The following EXOC1 variants were observed in gnomAD, a reference collection of about 807,000 sequenced individuals.
EXOC1 encodes the protein exocyst complex component 1.
A neutral mutation model predicts 107.7 loss-of-function variants in EXOC1; 67 were observed. That is an observed-to-expected ratio of 0.62 (90% CI 0.51 to 0.76). The LOEUF (loss-of-function observed/expected upper bound fraction) is 0.76, where lower values mean the gene tolerates loss of function less well. Among genes scored for constraint, EXOC1 ranks in the 30% least tolerant of loss-of-function variants. EXOC1 has a pLI of 0.00. For missense variants in EXOC1, 833 were observed against 1,055.7 expected (o/e 0.79, Z 2.92); for synonymous variants, 348 against 353.5 (o/e 0.98, Z 0.17).
intron 8 of EXOC1, among the ~76,000 whole-genome samples, chr4:55,873,290 G>A (rs1253845633): frequency 6.6e-6 from 1 of 152,034 alleles, no homozygotes; most frequent in Non-Finnish European, 1.5e-5. Context: ...CTAAAAGCAC[G>A]GTAGGGGGGA....
intron 9 of EXOC1, among the ~76,000 whole-genome samples, chr4:55,881,839 T>G (rs904581179): frequency 9.9e-5 from 15 of 151,224 alleles, no homozygotes; most frequent in Admixed American, 4.1e-4. Context: ...TTAGTGATTT[T>G]GGGGCCCCAA....
intron 2 of EXOC1, among the ~76,000 whole-genome samples, chr4:55,859,033 T>G (rs1721237741): frequency 6.6e-6 from 1 of 152,208 alleles, no homozygotes; most frequent in Non-Finnish European, 1.5e-5. Flanking sequence ...TTTTACAGTT[T>G]AGTCTTAGTT....
At chr4:55,874,481 CTTATGAAGGACTCACTTCTTTCATTG>C (rs2110342023) in intron 8 of EXOC1, among the ~76,000 whole-genome samples, 1 of 152,120 alleles carries the variant, frequency 6.6e-6, no homozygotes, top group African/African-American at 2.4e-5. Flanking sequence ...TACATTTACC[CTTATGAAGGACTCACTTCTTTCATTG>C]TACTTTTTCT....
chr4:55,868,605 C>T (rs1722159947), intron 5 of EXOC1, 82 bp downstream of exon 5: 3 of 1,272,932 alleles, frequency 2.4e-6, no homozygotes, highest in East Asian at 4.9e-5. Flanking sequence ...ACTACCTCAG[C>T]ACTTAAGCCT....
chr4:55,864,486 T>C (rs557130363), intron 4 of EXOC1, 100 bp downstream of exon 4: 2 of 1,054,834 alleles, frequency 1.9e-6, no homozygotes, highest in African/African-American at 3.3e-5. Flanking sequence ...AATTATCTTA[T>C]CGTAAAAGAA....
At chr4:55,901,450 A>G (rs933243636) in intron 17 of EXOC1, among the ~76,000 whole-genome samples, 1 of 152,154 alleles carries the variant, frequency 6.6e-6, no homozygotes, top group Non-Finnish European at 1.5e-5. Flanking sequence ...GCTCAAATAC[A>G]GTTATGCCAG....
chr4:55,894,400 C>T (rs1724942848), intron 15 of EXOC1, among the ~76,000 whole-genome samples: 1 of 150,658 alleles, frequency 6.6e-6, no homozygotes, highest in African/African-American at 2.4e-5. Flanking sequence ...TTTAATGAAA[C>T]AATTGAAACA....
intron 1 of EXOC1, 96 bp downstream of exon 1, chr4:55,854,049 G>A (rs2110295931): frequency 6.6e-6 from 1 of 152,414 alleles, no homozygotes; most frequent in South Asian, 2.1e-4. Context: ...GCCCCATTAC[G>A]GTTCCGCCCA....
intron 1 of EXOC1, among the ~76,000 whole-genome samples, chr4:55,855,607 G>A (rs1720886121): frequency 6.6e-6 from 1 of 152,178 alleles, no homozygotes; most frequent in Non-Finnish European, 1.5e-5. Flanking sequence ...GAAGTAGAGG[G>A]GAAGTGTTAG....
intron 10 of EXOC1, among the ~76,000 whole-genome samples, chr4:55,887,280 C>T (rs779207971): frequency 2.6e-5 from 4 of 151,996 alleles, no homozygotes; most frequent in Admixed American, 1.3e-4. Flanking sequence ...ATTGTTTCTC[C>T]GCTAAACTAG....
chr4:55,880,749 T>C (rs1328202438), intron 9 of EXOC1, among the ~76,000 whole-genome samples: 1 of 152,206 alleles, frequency 6.6e-6, no homozygotes, highest in Non-Finnish European at 1.5e-5. Flanking sequence ...AACCTAGTAA[T>C]GATTTATGGA....
At chr4:55,897,985 G>A (rs979435105) in intron 16 of EXOC1, among the ~76,000 whole-genome samples, 1 of 152,230 alleles carries the variant, frequency 6.6e-6, no homozygotes, top group Non-Finnish European at 1.5e-5. Flanking sequence ...GCTAGGCACA[G>A]TGGCCCACAC....
intron 4 of EXOC1, among the ~76,000 whole-genome samples, chr4:55,865,184 A>G (rs950951295): frequency 6.6e-6 from 1 of 152,350 alleles, no homozygotes; most frequent in South Asian, 2.1e-4. Flanking sequence ...CATGAAGATT[A>G]TTAGAATATT....
chr4:55,893,538 T>C lies in EXOC1; in HGVS notation c.1725-14T>C. On this transcript the variant is annotated splice_polypyrimidine_tract_variant and intron_variant, in intron 14 of 18. Coordinates refer to ENST00000381295, the MANE Select transcript of EXOC1 (RefSeq NM_001024924.2). ...TTGTTATAACTTTATACTTCTTGTC[T>C]GTTTTCTGAACAGGAAAGATATGAT... The C allele has an allele frequency of 6.2e-7, 1 of 1,608,804 alleles. No individual in the cohort carries two copies. The highest frequency in any genetic ancestry group is 8.5e-7 in the Non-Finnish European group (1 of 1,178,208).
intron 17 of EXOC1, among the ~76,000 whole-genome samples, chr4:55,901,205 T>C (rs1725868072): frequency 6.6e-6 from 1 of 152,216 alleles, no homozygotes; most frequent in South Asian, 2.1e-4. Flanking sequence ...TATCACCACC[T>C]GTATATGATA....
intron 16 of EXOC1, 132 bp from the exon 17 acceptor site, chr4:55,899,553 A>G (rs1725652022): frequency 9.5e-6 from 7 of 735,694 alleles, no homozygotes; most frequent in East Asian, 2.8e-5. Context: ...CCATTACAAT[A>G]TATTGTATTA....
At chr4:55,890,886 C>G (rs1481094053) in intron 12 of EXOC1, among the ~76,000 whole-genome samples, 1 of 152,130 alleles carries the variant, frequency 6.6e-6, no homozygotes, top group Non-Finnish European at 1.5e-5. Context: ...TGCCACCACA[C>G]CCAGCTAATT....
At chr4:55,901,481 A>T (rs1279965439) in intron 17 of EXOC1, among the ~76,000 whole-genome samples, 13 of 152,158 alleles carry the variant, frequency 8.5e-5, no homozygotes, top group African/African-American at 2.6e-4. Flanking sequence ...TATATATATA[A>T]AAGAAGACCT....
intron 17 of EXOC1, among the ~76,000 whole-genome samples, chr4:55,900,996 C>T (rs1342578449): frequency 1.3e-5 from 2 of 152,182 alleles, no homozygotes; most frequent in African/African-American, 2.4e-5. Context: ...GACAAATATT[C>T]CTTTAACTGG....
Sources: allele counts gnomAD v4.1 joint callset (sites outside exome capture counted in the v4.1 genomes callset), GRCh38; gene constraint gnomAD v4.1.1; transcripts MANE v1.5; gene names NCBI Gene and HGNC (gene_info 2026-07-23, HGNC 2026-07-21).